The following MICU2 variants were observed in gnomAD, a reference collection of about 807,000 sequenced individuals.
MICU2 encodes mitochondrial calcium uptake 2, also known as calcium uptake protein 2, mitochondrial.
A neutral mutation model predicts 60.4 loss-of-function variants in MICU2; 64 were observed. The observed-to-expected ratio is 1.06, with a 90% CI of 0.87 to 1.31. The LOEUF (loss-of-function observed/expected upper bound fraction) is 1.31, where lower values mean the gene tolerates loss of function less well. Among genes scored for constraint, MICU2 ranks in the 50% most tolerant of loss-of-function variants. MICU2 has a pLI of 0.00. For missense variants in MICU2, 569 were observed against 531.0 expected, an observed-to-expected ratio of 1.07 and a Z score of -0.70; for synonymous variants, 201 against 175.0, an observed-to-expected ratio of 1.15 and a Z score of -1.17.
At chr13:21,520,968 CTCT>C (rs1392679115) in intron 6 of MICU2, among the ~76,000 whole-genome samples, 2 of 151,990 alleles carry the variant, frequency 1.3e-5, no homozygotes, top group Admixed American at 6.6e-5. Context: ...TCCTATGAAA[CTCT>C]TCTTACCATA....
chr13:21,586,436 C>G (rs774177588), intron 1 of MICU2, among the ~76,000 whole-genome samples: 7 of 152,044 alleles, frequency 4.6e-5, no homozygotes, highest in Non-Finnish European at 8.8e-5. Flanking sequence ...AAGATAGGGT[C>G]TTGGTCTGCC....
chr13:21,508,088 A>G (rs1325101901), intron 8 of MICU2, among the ~76,000 whole-genome samples: 3 of 151,080 alleles, frequency 2.0e-5, no homozygotes, highest in African/African-American at 2.4e-5. Context: ...TTCTACTTCA[A>G]AATCCTTATT....
At position 21,529,142 on chromosome 13, in the gene MICU2, G is replaced by A. The variant is rs191027730; in HGVS notation, c.467-6492C>T. Reference sequence around the variant, plus strand: ...CTATTCTCTAGAGGTAGGGAGAAGAGAAGATGAATTCGATAAATACTTAGG... The same window carrying A: ...CTATTCTCTAGAGGTAGGGAGAAGAAAAGATGAATTCGATAAATACTTAGG... On this transcript the variant is annotated intron_variant, in intron 4 of 11. Transcript: ENST00000382374. Among the ~76,000 whole-genome samples the A allele has an allele frequency of 2.1e-3, 316 of 152,268 alleles. 1 individual carries two copies. The highest frequency in any genetic ancestry group is 7.4e-3 in the African/African-American group (308 of 41,540).
intron 1 of MICU2, among the ~76,000 whole-genome samples, chr13:21,602,083 T>C (rs1423537602): frequency 6.8e-6 from 1 of 146,210 alleles, no homozygotes; most frequent in East Asian, 2.0e-4. Flanking sequence ...CACTCCAGCC[T>C]GGGTGACAGA....
At chr13:21,595,535 G>C (rs1429457017) in intron 1 of MICU2, among the ~76,000 whole-genome samples, 1 of 152,224 alleles carries the variant, frequency 6.6e-6, no homozygotes, top group African/African-American at 2.4e-5. Flanking sequence ...GGGCCCTTAG[G>C]CCACACACAA....
At chr13:21,533,530 A>AT (rs1261815730) in intron 4 of MICU2, among the ~76,000 whole-genome samples, 3 of 151,356 alleles carry the variant, frequency 2.0e-5, no homozygotes, top group Non-Finnish European at 4.4e-5. Flanking sequence ...TCACCGTGTT[A>AT]GCCAGGATGG....
chr13:21,529,653 TTAAC>T (rs1239330358), intron 4 of MICU2, among the ~76,000 whole-genome samples: 1 of 152,230 alleles, frequency 6.6e-6, no homozygotes, highest in Non-Finnish European at 1.5e-5. Flanking sequence ...ATTTGCCTAA[TTAAC>T]AGATCTTTCG....
intron 6 of MICU2, among the ~76,000 whole-genome samples, chr13:21,517,136 T>G (rs1263959208): frequency 6.6e-6 from 1 of 152,178 alleles, no homozygotes; most frequent in Non-Finnish European, 1.5e-5. Flanking sequence ...AGCAATACAC[T>G]TACTAACACA....
intron 1 of MICU2, among the ~76,000 whole-genome samples, chr13:21,568,740 A>T (rs904544192): frequency 3.9e-5 from 6 of 152,104 alleles, no homozygotes; most frequent in Admixed American, 1.3e-4. Context: ...TAGCAATCTT[A>T]TTCTTTCCTG....
intron 2 of MICU2, among the ~76,000 whole-genome samples, chr13:21,554,163 A>G (rs1402639055): frequency 6.6e-6 from 1 of 152,230 alleles, no homozygotes; most frequent in Non-Finnish European, 1.5e-5. Flanking sequence ...AATTGAACTC[A>G]GCTCTGCACC....
rs113087010 is a variant in MICU2 at position 21,590,841 on chromosome 13, G to A, written c.210+13098C>T. ...CTGCACTCTAGCCTGGCGACAAAGC[G>A]AGACTCTGTCTCAAAAAACACAAAA... On this transcript the variant is annotated intron_variant, in intron 1 of 11. Coordinates refer to ENST00000382374, the MANE Select transcript of MICU2 (RefSeq NM_152726.3). Among the ~76,000 whole-genome samples, 15 of 152,250 alleles carry A rather than the reference G, an allele frequency of 9.9e-5. 1 individual carries two copies. The highest frequency in any genetic ancestry group is 2.9e-4 in the African/African-American group (12 of 41,540).
At chr13:21,544,404 C>T (rs1887357281) in intron 2 of MICU2, among the ~76,000 whole-genome samples, 1 of 149,584 alleles carries the variant, frequency 6.7e-6, no homozygotes, top group African/African-American at 2.5e-5. Context: ...AGACAACCTA[C>T]AGAATGGGAG....
intron 2 of MICU2, among the ~76,000 whole-genome samples, chr13:21,540,469 G>A (rs578203247): frequency 2.6e-5 from 4 of 152,140 alleles, no homozygotes; most frequent in South Asian, 2.1e-4. Context: ...GCACAATTAC[G>A]CAGTCTGTAG....
chr13:21,530,334 C>T (rs1886959418), intron 4 of MICU2, among the ~76,000 whole-genome samples: 1 of 152,188 alleles, frequency 6.6e-6, no homozygotes, highest in African/African-American at 2.4e-5. Context: ...CCCCTCTCAT[C>T]ATGCTCATTC....
chr13:21,551,032 G>T (rs1887548496), intron 2 of MICU2, among the ~76,000 whole-genome samples: 1 of 152,098 alleles, frequency 6.6e-6, no homozygotes, highest in Admixed American at 6.6e-5. Flanking sequence ...ACAATCTTTT[G>T]AATCTACGAC....
chr13:21,543,120 C>T (rs1405031798), intron 2 of MICU2, among the ~76,000 whole-genome samples: 2 of 152,136 alleles, frequency 1.3e-5, no homozygotes, highest in East Asian at 1.9e-4. Flanking sequence ...CTAATACATG[C>T]TTTTATTCAG....
intron 9 of MICU2, among the ~76,000 whole-genome samples, chr13:21,501,438 A>AT (rs1886155036): frequency 6.6e-6 from 1 of 151,856 alleles, no homozygotes; most frequent in South Asian, 2.1e-4. Flanking sequence ...AATTTTTTGT[A>AT]TTTTTAGTAG....
Position 21,515,150 on chromosome 13 carries a change from C to T in MICU2, c.598-732G>A, listed in dbSNP as rs1283463538. On this transcript the variant is annotated intron_variant, in intron 6 of 11. Transcript: ENST00000382374. ...AGGCTGGAGTGCAGTGGCACGATCC[C>T]GGCTGACTGCAAGCTCCGCCTCCCG... 5.9e-5 allele frequency among the ~76,000 whole-genome samples: 9 copies of T among 151,500 alleles called. No homozygotes were observed. The South Asian group carries it at 6.2e-4, about 10-fold the overall frequency.
At chr13:21,582,459 A>G (rs996566568) in intron 1 of MICU2, among the ~76,000 whole-genome samples, 3 of 152,236 alleles carry the variant, frequency 2.0e-5, no homozygotes, top group East Asian at 1.9e-4. Context: ...GAATTGAGAA[A>G]CAAGCAACAG....
Sources: allele counts gnomAD v4.1 joint callset (sites outside exome capture counted in the v4.1 genomes callset), GRCh38; gene constraint gnomAD v4.1.1; transcripts MANE v1.5; gene names NCBI Gene and HGNC (gene_info 2026-07-23, HGNC 2026-07-21).